The following MPDZ variants were observed in gnomAD, a reference collection of about 807,000 sequenced individuals.
MPDZ encodes the protein multiple PDZ domain protein.
Under a neutral mutation model 239.1 loss-of-function variants are expected in MPDZ, and 234 were observed. That is an observed-to-expected ratio of 0.98 (90% CI 0.88 to 1.09). The LOEUF (loss-of-function observed/expected upper bound fraction) is 1.09, where lower values mean the gene tolerates loss of function less well. Ranked by LOEUF, MPDZ falls within the 50% of genes least tolerant of loss-of-function variation. The pLI is 0.00. For missense variants in MPDZ, 3,175 were observed against 2,510.0 expected (o/e 1.26, Z -5.66); for synonymous variants, 1,048 against 881.3 (o/e 1.19, Z -3.35).
At chr9:13,136,632 G>C in intron 30 of MPDZ, 80 bp downstream of exon 30, 3 of 989,022 alleles carry the variant, frequency 3.0e-6, no homozygotes, top group Non-Finnish European at 1.5e-6. Flanking sequence ...GGCTACAAAT[G>C]TTTTCTTTTC....
intron 23 of MPDZ, among the ~76,000 whole-genome samples, chr9:13,161,537 C>T (rs1342565623): frequency 1.3e-5 from 2 of 152,038 alleles, no homozygotes; most frequent in African/African-American, 4.8e-5. Context: ...CACCATTGCA[C>T]TGCACTGCCT....
Position 13,224,479 on chromosome 9 carries a change from G to A in MPDZ, c.288C>T (p.Ser96=), listed in dbSNP as rs753053820. ...GTGCTTCCAGATTCCCATTGTTTGGGGATAATAAAAACGATTCATTTTGCA... is the reference window on the plus strand; with the variant it reads ...GTGCTTCCAGATTCCCATTGTTTGGAGATAATAAAAACGATTCATTTTGCA... ...PTLQNESFLL[S]PNNGNLEALT... The change falls in exon 4 of 47, where the codon TCC becomes TCT. Residue 96 remains serine (S), a synonymous_variant. Transcript: ENST00000319217. 33 of 1,612,752 alleles carry A rather than the reference G, an allele frequency of 2.0e-5. No homozygotes were observed. In the East Asian group the frequency reaches 6.9e-4, roughly 34 times the overall value.
chr9:13,125,902 T>G (rs2131791640), intron 34 of MPDZ, among the ~76,000 whole-genome samples: 1 of 152,294 alleles, frequency 6.6e-6, no homozygotes, highest in Admixed American at 6.5e-5. Context: ...TACTAAAAAC[T>G]GAATTTTTAA....
chr9:13,137,797 G>A (rs1947047641), intron 29 of MPDZ, among the ~76,000 whole-genome samples, 160 bp downstream of exon 29: 1 of 152,198 alleles, frequency 6.6e-6, no homozygotes, highest in African/African-American at 2.4e-5. Context: ...CTACTTGGTA[G>A]AAATTTGGTT....
intron 23 of MPDZ, among the ~76,000 whole-genome samples, chr9:13,158,836 T>C (rs1950134869): frequency 6.6e-6 from 1 of 152,142 alleles, no homozygotes; most frequent in Admixed American, 6.6e-5. Flanking sequence ...CATCAAGAAA[T>C]ATTTTGTTAG....
At chr9:13,203,762 ACACAC>A (rs1359290989) in intron 12 of MPDZ, among the ~76,000 whole-genome samples, 1 of 151,648 alleles carries the variant, frequency 6.6e-6, no homozygotes, top group Non-Finnish European at 1.5e-5. Context: ...ACACACACAC[ACACAC>A]ACACACAGAG....
At chr9:13,191,085 A>G (rs1954852853) in intron 15 of MPDZ, among the ~76,000 whole-genome samples, 1 of 152,128 alleles carries the variant, frequency 6.6e-6, no homozygotes, top group African/African-American at 2.4e-5. Flanking sequence ...CTTCTAATCA[A>G]TTATTGCACA....
rs777301563 is a variant in MPDZ at position 13,247,793 on chromosome 9, G to T, written c.25C>A (p.Arg9=). 1.2e-6 allele frequency: 2 copies of T among 1,602,026 alleles called. No individual in the cohort carries two copies. Among genetic ancestry groups the T allele is most frequent in the Non-Finnish European group, 1.7e-6 (2 of 1,170,658 alleles). The part of the protein sequence containing the change: MLEAIDKN[R]ALHAAERLQT... ...AAGCGCTCTGCTGCATGCAGGGCCC[G>T]ATTTTTGTCTATACCAAAGAGCAGC... The change falls in exon 3 of 47, where the codon CGG becomes AGG. Residue 9 remains arginine (R), a synonymous_variant. Coordinates refer to ENST00000319217, the MANE Select transcript of MPDZ (RefSeq NM_001378778.1).
At chr9:13,211,680 C>T (rs186333072) in intron 10 of MPDZ, among the ~76,000 whole-genome samples, 2 of 152,196 alleles carry the variant, frequency 1.3e-5, no homozygotes, top group Non-Finnish European at 1.5e-5. Flanking sequence ...CTGTAAACAA[C>T]ATAACGATCC....
At chr9:13,200,399 T>C (rs1370601283) in intron 12 of MPDZ, among the ~76,000 whole-genome samples, 1 of 152,058 alleles carries the variant, frequency 6.6e-6, no homozygotes, top group African/African-American at 2.4e-5. Flanking sequence ...TTCTGTTTTC[T>C]TACTCTTTTG....
chr9:13,144,884 G>A (rs2132696209), intron 26 of MPDZ, among the ~76,000 whole-genome samples: 1 of 152,138 alleles, frequency 6.6e-6, no homozygotes, highest in Admixed American at 6.6e-5. Context: ...TGGAAGAAAT[G>A]ACTAGGCAGA....
chr9:13,126,668 G>C lies in MPDZ; in HGVS notation c.4557+12C>G, dbSNP rs758730520. 6.2e-7 allele frequency: 1 copy of C among 1,613,148 alleles called. No homozygotes were observed. Among genetic ancestry groups the C allele is most frequent in the East Asian group, 2.2e-5 (1 of 44,850 alleles). ...CCAACTACTTAATGACAGCAAGAAA[G>C]GTAAACCTCACCGTGGCTGCTACCC... On this transcript the variant is annotated intron_variant, in intron 33 of 46. Coordinates refer to ENST00000319217, the MANE Select transcript of MPDZ (RefSeq NM_001378778.1).
At chr9:13,118,207 T>A (rs1359408811) in intron 39 of MPDZ, among the ~76,000 whole-genome samples, 1 of 152,014 alleles carries the variant, frequency 6.6e-6, no homozygotes, top group Non-Finnish European at 1.5e-5. Flanking sequence ...GCTTCCATTT[T>A]TTCTTTCTTT....
intron 3 of MPDZ, among the ~76,000 whole-genome samples, chr9:13,234,239 C>T (rs1293504084): frequency 1.3e-5 from 2 of 151,938 alleles, no homozygotes; most frequent in Non-Finnish European, 2.9e-5. Flanking sequence ...TATGATAATG[C>T]ACTCAATTTT....
At chr9:13,248,519 A>T (rs1966940252) in intron 2 of MPDZ, among the ~76,000 whole-genome samples, 1 of 152,062 alleles carries the variant, frequency 6.6e-6, no homozygotes, top group Non-Finnish European at 1.5e-5. Flanking sequence ...ATAGTTAAAA[A>T]CCTTTCCCTG....
intron 2 of MPDZ, among the ~76,000 whole-genome samples, chr9:13,248,976 C>CAAAGAAA (rs1967098542): frequency 2.8e-5 from 1 of 35,820 alleles, no homozygotes; most frequent in African/African-American, 8.8e-5. Flanking sequence ...GACTCCATCT[C>CAAAGAAA]AAAAAAAAAA....
Position 13,219,632 on chromosome 9 carries a change from A to T in MPDZ, c.1013T>A (p.Ile338Lys), listed in dbSNP as rs1017490309. The part of the protein sequence containing the change: ...RVKLMIARGA[I>K]EERTAPTALG... ...AGCAGTGGGTGCTGTACGTTCTTCT[A>T]TGGCACCTCTTGCAATCATCAACTT... Residue 338 changes from isoleucine to lysine, a missense_variant, in exon 8 of 47, where the codon ATA becomes AAA. Coordinates refer to ENST00000319217, the MANE Select transcript of MPDZ (RefSeq NM_001378778.1). 6.2e-7 allele frequency: 1 copy of T among 1,612,446 alleles called. No homozygotes were observed. The highest frequency in any genetic ancestry group is 1.7e-5 in the Admixed American group (1 of 59,744).
rs1046353481 is a variant in MPDZ at position 13,206,209 on chromosome 9, T to C, written c.1291-110A>G. On this transcript the variant is annotated intron_variant, in intron 10 of 46. Transcript: ENST00000319217. ...TTGTTAGTGTGAAAAGAATGGAGAATAAGTATTCACCTTATCAGGGAATTG... is the reference window on the plus strand; with the variant it reads ...TTGTTAGTGTGAAAAGAATGGAGAACAAGTATTCACCTTATCAGGGAATTG... The C allele has an allele frequency of 2.9e-6, 3 of 1,017,150 alleles. No homozygotes were observed. The South Asian group carries it at 5.5e-5, about 19-fold the overall frequency. 63.0% of individuals were successfully genotyped at this position (1,017,150 alleles called of 1,614,324 possible).
chr9:13,198,731 CTCTCTCTGTGTGTG>C (rs1194177631), intron 12 of MPDZ, among the ~76,000 whole-genome samples: 7 of 4,438 alleles, frequency 1.6e-3, no homozygotes, highest in South Asian at 0.016. Flanking sequence ...TCTTTAATCT[CTCTCTCTGTGTGTG>C]TGTGTGTGTG....
Sources: allele counts gnomAD v4.1 joint callset (sites outside exome capture counted in the v4.1 genomes callset), GRCh38; gene constraint gnomAD v4.1.1; transcripts MANE v1.5; gene names NCBI Gene and HGNC (gene_info 2026-07-23, HGNC 2026-07-21).